The following CD40LG variants were observed in gnomAD, a reference collection of about 807,000 sequenced individuals.
CD40LG encodes CD40 ligand, also known as CD40 antigen ligand.
Under a neutral mutation model 17.2 loss-of-function variants are expected in CD40LG, and 1 was observed. That is an observed-to-expected ratio of 0.06 (90% CI 0.02 to 0.28). The LOEUF is 0.28. CD40LG is among the 10% of genes least tolerant of loss of function. The pLI is 1.00. For synonymous variants in CD40LG, 66 were observed against 74.4 expected (o/e 0.89, Z 0.58); for missense variants, 133 against 193.2 (o/e 0.69, Z 1.85).
At chrX:136,652,113 C>T in intron 2 of CD40LG, among the ~76,000 whole-genome samples, 1 of 110,917 alleles carries the variant, frequency 9.0e-6, no homozygotes, top group Non-Finnish European at 1.9e-5. Context: ...AAAGGCAGAT[C>T]TTCTCAGGCA....
intron 4 of CD40LG, among the ~76,000 whole-genome samples, chrX:136,657,731 C>G (rs1238791306): frequency 1.8e-5 from 2 of 111,713 alleles, no homozygotes; most frequent in South Asian, 3.7e-4. Flanking sequence ...TATCTAAACC[C>G]TTGATCTTGG....
chrX:136,652,448 A>G (rs985290945), intron 2 of CD40LG, among the ~76,000 whole-genome samples: 2 of 111,813 alleles, frequency 1.8e-5, no homozygotes, highest in African/African-American at 6.5e-5. Context: ...GTCTGGCTGC[A>G]CCTAAGCAAC....
intron 1 of CD40LG, among the ~76,000 whole-genome samples, chrX:136,648,890 C>A (rs2051901032): frequency 8.9e-6 from 1 of 111,815 alleles, no homozygotes; most frequent in African/African-American, 3.3e-5. Flanking sequence ...TCTAAAATTT[C>A]ATAATGCTTC....
chrX:136,653,941 T>C (rs1269638670), intron 2 of CD40LG, among the ~76,000 whole-genome samples: 1 of 112,126 alleles, frequency 8.9e-6, no homozygotes, highest in Non-Finnish European at 1.9e-5. Context: ...CCTACAGGAT[T>C]TCAGACCAAA....
intron 1 of CD40LG, 147 bp from the exon 2 acceptor site, chrX:136,650,119 T>G: frequency 2.1e-6 from 1 of 473,983 alleles, no homozygotes; most frequent in East Asian, 3.5e-5. Context: ...AAAATAGCAA[T>G]CAGCCAATAT....
intron 2 of CD40LG, among the ~76,000 whole-genome samples, chrX:136,654,058 A>G (rs2076112023): frequency 8.9e-6 from 1 of 111,990 alleles, no homozygotes; most frequent in Non-Finnish European, 1.9e-5. Context: ...AATATCTGTC[A>G]AAGCCAAGGA....
At position 136,656,307 on chromosome X, in the gene CD40LG, G is replaced by A; in HGVS notation, c.347-49G>A. 3.1e-6 allele frequency: 3 copies of A among 967,502 alleles called. 1 individual carries two copies. In the South Asian group the frequency reaches 5.8e-5, roughly 19 times the overall value. 79.7% of individuals were successfully genotyped at this position (967,502 alleles called of 1,213,427 possible). The stretch of plus-strand genomic sequence containing the variant: ...GTAGAACTGGACCAGATAGTTTTGT[G>A]GGCAGTTTTTGCATTATTTTAGCCT... On this transcript the variant is annotated intron_variant, in intron 3 of 4. Coordinates refer to ENST00000370629, the MANE Select transcript of CD40LG (RefSeq NM_000074.3).
At chrX:136,652,999 G>T (rs1228998246) in intron 2 of CD40LG, among the ~76,000 whole-genome samples, 1 of 111,115 alleles carries the variant, frequency 9.0e-6, no homozygotes, top group African/African-American at 3.3e-5. Context: ...TTCACGGAAA[G>T]GCTAGGCTGG....
chrX:136,651,168 C>CT (rs1240552946), intron 2 of CD40LG, among the ~76,000 whole-genome samples: 7 of 110,938 alleles, frequency 6.3e-5, no homozygotes, highest in Non-Finnish European at 1.1e-4. Flanking sequence ...GACATAGGGT[C>CT]TAGGGGCTCT....
rs1216770048 is a variant in CD40LG, at chrX:136,648,369, C to G, written c.121C>G (p.Leu41Val). ...FLITQMIGSA[L>V]FAVYLHRRLD... ...TATCACCCAGATGATTGGGTCAGCA[C>G]TTTTTGCTGTGTATCTTCATAGAAG... is the stretch of plus-strand genomic sequence containing the variant. Residue 41 changes from leucine to valine, a missense_variant, in exon 1 of 5, where the codon CTT (leucine) becomes GTT (valine). Coordinates refer to ENST00000370629, the MANE Select transcript of CD40LG (RefSeq NM_000074.3). The G allele has an allele frequency of 8.3e-7, 1 of 1,210,515 alleles. No individual in the cohort carries two copies. Among genetic ancestry groups the G allele is most frequent in the Non-Finnish European group, 1.1e-6 (1 of 894,272 alleles).
chrX:136,650,341 T>C lies in CD40LG; in HGVS notation c.232T>C (p.Ser78Pro), dbSNP rs200672738. 8.3e-6 allele frequency: 10 copies of C among 1,202,531 alleles called. No homozygotes were observed. The highest frequency in any genetic ancestry group is 1.0e-5 in the Non-Finnish European group (9 of 887,426). Residue 78 changes from serine (S) to proline (P), a missense_variant, in exon 2 of 5, where the codon TCC becomes CCC. By Grantham distance (74) the Ser-to-Pro change is moderately conservative (BLOSUM62 -1). Coordinates refer to ENST00000370629, the MANE Select transcript of CD40LG (RefSeq NM_000074.3). ...ACAGAGATGCAACACAGGAGAAAGATCCTTATCCTTACTGAACTGTGAGGA... is the reference window on the plus strand; with the variant it reads ...ACAGAGATGCAACACAGGAGAAAGACCCTTATCCTTACTGAACTGTGAGGA... ...TIQRCNTGER[S>P]LSLLNCEEIK...
intron 3 of CD40LG, 151 bp from the exon 4 acceptor site, chrX:136,656,205 T>C (rs2076118529): frequency 2.0e-6 from 1 of 511,169 alleles, no homozygotes; most frequent in African/African-American, 2.3e-5. Context: ...CAACTTTTCC[T>C]TCAGTGGGAG....
intron 4 of CD40LG, among the ~76,000 whole-genome samples, chrX:136,658,078 C>T (rs768925088): frequency 1.8e-5 from 2 of 111,875 alleles, no homozygotes; most frequent in South Asian, 3.8e-4. Flanking sequence ...CTGGAGGGCC[C>T]GGATCTGTCA....
chrX:136,652,233 C>A (rs1006516923), intron 2 of CD40LG, among the ~76,000 whole-genome samples: 1 of 110,678 alleles, frequency 9.0e-6, no homozygotes, highest in African/African-American at 3.3e-5. Flanking sequence ...CCTAGGATTA[C>A]GTACAATGAG....
intron 3 of CD40LG, among the ~76,000 whole-genome samples, chrX:136,654,970 A>G (rs1229008786): frequency 9.0e-6 from 1 of 111,301 alleles, no homozygotes; most frequent in African/African-American, 3.3e-5. Context: ...CTCCTTCACA[A>G]TAACACTGAC....
At chrX:136,657,418 A>G (rs2076122301) in intron 4 of CD40LG, among the ~76,000 whole-genome samples, 1 of 111,516 alleles carries the variant, frequency 9.0e-6, no homozygotes, top group Non-Finnish European at 1.9e-5. Flanking sequence ...ACCTTGAGCA[A>G]GACCCTTTAC....
chrX:136,659,259 T>A lies in CD40LG; in HGVS notation c.630T>A (p.Asn210Lys). ...RFERILLRAANTHSSAKPCGQ... is the reference protein window; with the variant it reads ...RFERILLRAAKTHSSAKPCGQ... ...AGAGAATCTTACTCAGAGCTGCAAATACCCACAGTTCCGCCAAACCTTGCG... is the reference window on the plus strand; with the variant it reads ...AGAGAATCTTACTCAGAGCTGCAAAAACCCACAGTTCCGCCAAACCTTGCG... The change falls in exon 5 of 5, where the codon AAT becomes AAA. Residue 210 changes from asparagine (N) to lysine (K), a missense_variant. Coordinates refer to ENST00000370629, the MANE Select transcript of CD40LG (RefSeq NM_000074.3). 8.3e-7 allele frequency: 1 copy of A among 1,211,758 alleles called. No individual in the cohort carries two copies. The highest frequency in any genetic ancestry group is 1.1e-6 in the Non-Finnish European group (1 of 895,331).
chrX:136,657,480 A>T (rs1424843304), intron 4 of CD40LG, among the ~76,000 whole-genome samples: 1 of 111,777 alleles, frequency 8.9e-6, no homozygotes, highest in African/African-American at 3.3e-5. Context: ...TTTGAGCATC[A>T]AATCAGCTAA....
intron 3 of CD40LG, among the ~76,000 whole-genome samples, chrX:136,655,448 G>A (rs1748090882): frequency 8.9e-6 from 1 of 112,315 alleles, no homozygotes; most frequent in African/African-American, 3.2e-5. Flanking sequence ...GGGAAAGACG[G>A]GGTGTTGTTA....
Sources: gnomAD v4.1 joint callset for allele counts (sites outside exome capture counted in the v4.1 genomes callset) on GRCh38, gnomAD v4.1.1 for gene constraint, MANE v1.5 for transcripts, NCBI Gene and HGNC (gene_info 2026-07-23, HGNC 2026-07-21) for gene names.